Variants in GRID2 observed in about 807,000 individuals in gnomAD.
The protein encoded by GRID2 is glutamate receptor ionotropic, delta-2.
A neutral mutation model predicts 114.8 loss-of-function variants in GRID2; 33 were observed. The ratio of observed to expected loss-of-function variants is 0.29; its 90% CI spans 0.22 to 0.38. The LOEUF is 0.38. Among genes scored for constraint, GRID2 ranks in the 10% least tolerant of loss-of-function variants. The pLI is 1.00. For missense variants in GRID2, 1,184 were observed against 1,257.7 expected, an observed-to-expected ratio of 0.94 and a Z score of 0.89; for synonymous variants, 505 against 449.9, an observed-to-expected ratio of 1.12 and a Z score of -1.55.
At chr4:93,034,766 G>GT (rs1404168498) in intron 2 of GRID2, among the ~76,000 whole-genome samples, 1 of 152,116 alleles carries the variant, frequency 6.6e-6, no homozygotes, top group Non-Finnish European at 1.5e-5. Context: ...TTTATACACA[G>GT]TATATTAAAC....
chr4:93,650,412 T>G (rs1722484899), intron 14 of GRID2, among the ~76,000 whole-genome samples: 1 of 152,206 alleles, frequency 6.6e-6, no homozygotes, highest in Non-Finnish European at 1.5e-5. Flanking sequence ...AAATAAAAGT[T>G]GAGCAACCTC....
chr4:93,652,381 C>G (rs988077133), intron 14 of GRID2, among the ~76,000 whole-genome samples: 3 of 151,958 alleles, frequency 2.0e-5, no homozygotes, highest in African/African-American at 7.3e-5. Flanking sequence ...ACGTTTTGGT[C>G]GATGACAGAC....
At chr4:92,778,600 T>C (rs975949070) in intron 2 of GRID2, among the ~76,000 whole-genome samples, 3 of 152,108 alleles carry the variant, frequency 2.0e-5, no homozygotes, top group Admixed American at 6.6e-5. Context: ...GGTATATATC[T>C]TTGGCATGTG....
intron 2 of GRID2, among the ~76,000 whole-genome samples, chr4:93,016,641 T>C (rs1722769971): frequency 6.6e-6 from 1 of 151,908 alleles, no homozygotes; most frequent in South Asian, 2.1e-4. Context: ...AGGGAAAGAA[T>C]CTAACACATA....
At chr4:92,656,703 C>A (rs371782993) in intron 2 of GRID2, among the ~76,000 whole-genome samples, 2 of 151,650 alleles carry the variant, frequency 1.3e-5, no homozygotes, top group East Asian at 1.9e-4. Context: ...TGTGAGCTCT[C>A]CCATGCAATG....
intron 14 of GRID2, among the ~76,000 whole-genome samples, chr4:93,718,958 A>G (rs555753933): frequency 6.6e-6 from 1 of 152,260 alleles, no homozygotes; most frequent in Admixed American, 6.5e-5. Flanking sequence ...TGTCCTTGTG[A>G]TAAAGATAAA....
intron 1 of GRID2, among the ~76,000 whole-genome samples, chr4:92,329,985 T>G (rs1726793824): frequency 2.2e-5 from 2 of 92,004 alleles, no homozygotes; most frequent in Admixed American, 1.3e-4. Flanking sequence ...AAGAGGAGTA[T>G]GGGAGGAAAG....
intron 14 of GRID2, among the ~76,000 whole-genome samples, chr4:93,637,236 G>T (rs1374784390): frequency 1.3e-5 from 2 of 152,130 alleles, no homozygotes; most frequent in African/African-American, 4.8e-5. Context: ...CTCACCAGGT[G>T]CCAAGTATCA....
intron 3 of GRID2, among the ~76,000 whole-genome samples, chr4:93,107,545 A>C (rs1485957031): frequency 6.6e-6 from 1 of 152,082 alleles, no homozygotes; most frequent in African/African-American, 2.4e-5. Context: ...ATTTATTAAA[A>C]AAATTTTTTT....
chr4:93,741,018 A>G (rs1731318371), intron 14 of GRID2, among the ~76,000 whole-genome samples: 1 of 151,424 alleles, frequency 6.6e-6, no homozygotes, highest in South Asian at 2.1e-4. Context: ...GTTGATAATA[A>G]TTTAATGACT....
chr4:92,752,389 A>G (rs1484694182), intron 2 of GRID2, among the ~76,000 whole-genome samples: 5 of 152,194 alleles, frequency 3.3e-5, no homozygotes, highest in Non-Finnish European at 5.9e-5. Flanking sequence ...AAGAGCCCAC[A>G]TTTCTTAGTC....
intron 1 of GRID2, among the ~76,000 whole-genome samples, chr4:92,351,585 A>G (rs1026334182): frequency 2.0e-5 from 3 of 151,814 alleles, no homozygotes; most frequent in East Asian, 1.9e-4. Flanking sequence ...CTACAGTGCT[A>G]TGAAACACTA....
intron 8 of GRID2, among the ~76,000 whole-genome samples, chr4:93,301,470 G>A (rs973089894): frequency 6.6e-6 from 1 of 152,022 alleles, no homozygotes; most frequent in Non-Finnish European, 1.5e-5. Context: ...AATTAGTAAA[G>A]AGACTAAAAG....
At chr4:93,307,491 T>G (rs1755560508) in intron 8 of GRID2, among the ~76,000 whole-genome samples, 1 of 152,120 alleles carries the variant, frequency 6.6e-6, no homozygotes. Flanking sequence ...TTAAATTTTT[T>G]TTAGTAATCC....
chr4:92,462,893 A>T (rs1453181780), intron 1 of GRID2, among the ~76,000 whole-genome samples: 1 of 151,992 alleles, frequency 6.6e-6, no homozygotes, highest in Non-Finnish European at 1.5e-5. Flanking sequence ...CAGAAGAAAT[A>T]GGTGCTTTCT....
At chr4:93,313,237 T>C (rs957230274) in intron 8 of GRID2, among the ~76,000 whole-genome samples, 1 of 152,126 alleles carries the variant, frequency 6.6e-6, no homozygotes, top group African/African-American at 2.4e-5. Flanking sequence ...CTATACAGCT[T>C]TCAAAAGGGA....
intron 1 of GRID2, among the ~76,000 whole-genome samples, chr4:92,359,675 G>A (rs1579235954): frequency 6.6e-6 from 1 of 152,006 alleles, no homozygotes. Context: ...GCGCTACTGA[G>A]AGGCAGGTTA....
intron 14 of GRID2, among the ~76,000 whole-genome samples, chr4:93,718,054 G>C (rs1729056534): frequency 6.6e-6 from 1 of 152,132 alleles, no homozygotes; most frequent in African/African-American, 2.4e-5. Flanking sequence ...AGGAGATCGA[G>C]ACCATCCTGG....
At position 92,634,137 on chromosome 4, in the gene GRID2, A is replaced by G. The variant is rs190127412; in HGVS notation, c.244+43851A>G. Among the ~76,000 whole-genome samples the G allele has an allele frequency of 1.1e-4, 16 of 152,118 alleles. No homozygotes were observed. In the East Asian group the frequency reaches 3.1e-3, roughly 29 times the overall value. ...TGCAAAAAAAAAAACAACAAAAAAC[A>G]AAACTCATAATGTTGTAAGAAAGTT... On this transcript the variant is annotated intron_variant, in intron 2 of 15. Transcript: ENST00000282020.
Sources: gnomAD v4.1 joint callset for allele counts (sites outside exome capture counted in the v4.1 genomes callset) on GRCh38, gnomAD v4.1.1 for gene constraint, MANE v1.5 for transcripts, NCBI Gene and HGNC (gene_info 2026-07-23, HGNC 2026-07-21) for gene names.